TXNDC16: variants seen among roughly 807,000 people sequenced by gnomAD.
TXNDC16 encodes thioredoxin domain containing 16, also known as thioredoxin domain-containing protein 16.
A neutral mutation model predicts 85.6 loss-of-function variants in TXNDC16; 74 were observed. That is an observed-to-expected ratio of 0.86 (90% confidence interval 0.72 to 1.05). The LOEUF (loss-of-function observed/expected upper bound fraction) is 1.05. TXNDC16 is among the 50% of genes least tolerant of loss of function. The probability of loss-of-function intolerance (pLI) is 0.00; values close to 1 mark genes in which losing one functional copy is unlikely to be tolerated. For missense variants in TXNDC16, 959 were observed against 947.0 expected (o/e 1.01, Z -0.17); for synonymous variants, 335 against 326.5 (o/e 1.03, Z -0.28).
chr14:52,530,285 A>ATTATTATATAATAATATAT (rs1400120005), intron 6 of TXNDC16, among the ~76,000 whole-genome samples: 5 of 43,430 alleles, frequency 1.2e-4, no homozygotes, highest in African/African-American at 6.4e-4. Context: ...TTTAATATAT[A>ATTATTATATAATAATATAT]ATTATTATAT....
intron 1 of TXNDC16, among the ~76,000 whole-genome samples, chr14:52,549,434 C>T (rs2038001439): frequency 6.6e-6 from 1 of 152,106 alleles, no homozygotes; most frequent in Non-Finnish European, 1.5e-5. Flanking sequence ...TGTTCAGCAA[C>T]TGAATATTAA....
intron 6 of TXNDC16, among the ~76,000 whole-genome samples, chr14:52,535,198 C>T (rs2037671738): frequency 6.6e-6 from 1 of 152,180 alleles, no homozygotes; most frequent in African/African-American, 2.4e-5. Flanking sequence ...TTCCTGAGAA[C>T]AAATGTCATA....
chr14:52,527,826 T>A (rs2037373304), intron 6 of TXNDC16, among the ~76,000 whole-genome samples: 1 of 152,104 alleles, frequency 6.6e-6, no homozygotes, highest in Admixed American at 6.6e-5. Flanking sequence ...TCTTTGGAGT[T>A]TTGGACTTAA....
chr14:52,550,864 T>C (rs1473752484), intron 1 of TXNDC16, among the ~76,000 whole-genome samples: 2 of 152,212 alleles, frequency 1.3e-5, no homozygotes, highest in Admixed American at 6.5e-5. Context: ...ACTGCTGTCA[T>C]GAGCATCCTG....
At position 52,537,785 on chromosome 14, in the gene TXNDC16, A is replaced by T. The variant is rs1288990445; in HGVS notation, c.244-113T>A. 5 of 647,812 alleles carry T rather than the reference A, an allele frequency of 7.7e-6. No individual in the cohort carries two copies. In the African/African-American group the frequency reaches 9.2e-5, roughly 12 times the overall value. The allele number at this position is 647,812 out of a possible 1,614,324, so 40.1% of individuals were successfully genotyped here. On this transcript the variant is annotated intron_variant, in intron 4 of 20. Coordinates refer to ENST00000281741, the MANE Select transcript of TXNDC16 (RefSeq NM_020784.3). Reference sequence around the variant, plus strand: ...CAGTTTGTTGCAGGTCAAATTTTGTATTTTATGTTTTTTTCTGATTTGTAT... The same window carrying T: ...CAGTTTGTTGCAGGTCAAATTTTGTTTTTTATGTTTTTTTCTGATTTGTAT...
At chr14:52,449,088 C>G (rs532690192) in intron 18 of TXNDC16, among the ~76,000 whole-genome samples, 2 of 151,980 alleles carry the variant, frequency 1.3e-5, no homozygotes, top group East Asian at 3.9e-4. Context: ...TAAGTCCTTA[C>G]TTATCAATAA....
chr14:52,501,009 T>C (rs914035851), intron 9 of TXNDC16, among the ~76,000 whole-genome samples: 1 of 152,180 alleles, frequency 6.6e-6, no homozygotes, highest in Non-Finnish European at 1.5e-5. Flanking sequence ...CCTTGGTATT[T>C]GCCAACAGGA....
At chr14:52,467,576 A>G (rs1594702820) in intron 16 of TXNDC16, among the ~76,000 whole-genome samples, 1 of 152,200 alleles carries the variant, frequency 6.6e-6, no homozygotes, top group South Asian at 2.1e-4. Flanking sequence ...GATGGCTATC[A>G]TAAAAAATAA....
rs1377778813 is a variant in TXNDC16, at chr14:52,430,678, A to G, written c.*1626T>C. ...ATTGCTGACAAAGGTACAATGACTA[A>G]GCAATTTCATGTTTCTATGTGCTGG... is the stretch of plus-strand genomic sequence containing the variant. On this transcript the variant is annotated 3_prime_UTR_variant, in exon 21 of 21. Coordinates refer to ENST00000281741, the MANE Select transcript of TXNDC16 (RefSeq NM_020784.3). 2 of 152,236 alleles carry G rather than the reference A, an allele frequency of 1.3e-5. No individual in the cohort carries two copies. The highest frequency in any genetic ancestry group is 2.9e-5 in the Non-Finnish European group (2 of 68,042). 9.4% of individuals were successfully genotyped at this position (152,236 alleles called of 1,614,324 possible).
At chr14:52,464,020 T>C (rs1203847822) in intron 16 of TXNDC16, among the ~76,000 whole-genome samples, 1 of 152,250 alleles carries the variant, frequency 6.6e-6, no homozygotes, top group African/African-American at 2.4e-5. Context: ...TACATCATTC[T>C]GGCACACCAG....
At chr14:52,497,829 C>T (rs1186676425) in intron 9 of TXNDC16, among the ~76,000 whole-genome samples, 1 of 146,672 alleles carries the variant, frequency 6.8e-6, no homozygotes, top group Admixed American at 7.0e-5. Context: ...TGCAGTGAGC[C>T]GAGATTGCGC....
intron 6 of TXNDC16, among the ~76,000 whole-genome samples, chr14:52,522,415 T>G (rs1482204267): frequency 6.6e-6 from 1 of 152,232 alleles, no homozygotes; most frequent in African/African-American, 2.4e-5. Context: ...AAGTGAAAGC[T>G]GATATTATCA....
rs115290577 is a variant in TXNDC16 at position 52,450,746 on chromosome 14, A to G, written c.1842+4578T>C. On this transcript the variant is annotated intron_variant, in intron 18 of 20. Transcript: ENST00000281741. Reference sequence around the variant, plus strand: ...AGTGTATCTACCATTTGATCAAGCAATCTCACTACTGGTGCACACACGTTT... The same window carrying G: ...AGTGTATCTACCATTTGATCAAGCAGTCTCACTACTGGTGCACACACGTTT... 4.8e-3 allele frequency among the ~76,000 whole-genome samples: 728 copies of G among 152,026 alleles called. 4 individuals carry two copies. The highest frequency in any genetic ancestry group is 0.017 in the African/African-American group (699 of 41,524).
chr14:52,537,991 T>C (rs554796320), intron 4 of TXNDC16, among the ~76,000 whole-genome samples: 1 of 152,318 alleles, frequency 6.6e-6, no homozygotes, highest in African/African-American at 2.4e-5. Flanking sequence ...CTTGGAATGA[T>C]GAAAGCATCT....
chr14:52,530,016 A>G lies in TXNDC16; in HGVS notation c.392+6703T>C, dbSNP rs568040490. On this transcript the variant is annotated intron_variant, in intron 6 of 20. Coordinates refer to ENST00000281741, the MANE Select transcript of TXNDC16 (RefSeq NM_020784.3). ...TTCATATATATAATATATATTATAT[A>G]TTATATGTTATAATTATTTTTATGT... is the stretch of plus-strand genomic sequence containing the variant. 2.3e-4 allele frequency among the ~76,000 whole-genome samples: 24 copies of G among 104,568 alleles called. No individual in the cohort carries two copies. The East Asian group carries it at 6.6e-3, about 29-fold the overall frequency. The allele number at this position is 104,568 out of a possible 152,430, so 68.6% of individuals were successfully genotyped here. A position where few individuals can be genotyped will look rare whatever the true frequency, so the allele number is the denominator to read the frequency against.
At chr14:52,515,719 T>C (rs2037068713) in intron 7 of TXNDC16, among the ~76,000 whole-genome samples, 1 of 150,790 alleles carries the variant, frequency 6.6e-6, no homozygotes, top group South Asian at 2.1e-4. Flanking sequence ...GTATCATATA[T>C]AACTTAATAT....
intron 12 of TXNDC16, among the ~76,000 whole-genome samples, chr14:52,485,587 G>C (rs1307749500): frequency 6.6e-6 from 1 of 152,104 alleles, no homozygotes; most frequent in African/African-American, 2.4e-5. Flanking sequence ...CTATACAAGT[G>C]TACCATTTTT....
chr14:52,495,849 C>G (rs1395804746), intron 9 of TXNDC16, among the ~76,000 whole-genome samples: 2 of 152,154 alleles, frequency 1.3e-5, no homozygotes, highest in East Asian at 3.9e-4. Flanking sequence ...TCCTCTCAAT[C>G]TGAAGACCTG....
rs1212675186 is a variant in TXNDC16 at position 52,432,282 on chromosome 14, T to G, written c.*22A>C. On this transcript the variant is annotated 3_prime_UTR_variant, in exon 21 of 21. Transcript: ENST00000281741. ...TAAGTCTATCATGCCAAAAAAATTT[T>G]GGAAACCACAGCCCTATAAAATTAG... The G allele has an allele frequency of 3.9e-6, 6 of 1,549,810 alleles. No individual in the cohort carries two copies. Among genetic ancestry groups the G allele is most frequent in the African/African-American group, 1.4e-5 (1 of 72,038 alleles).
Sources: allele counts gnomAD v4.1 joint callset (sites outside exome capture counted in the v4.1 genomes callset), GRCh38; gene constraint gnomAD v4.1.1; transcripts MANE v1.5; gene names NCBI Gene and HGNC (gene_info 2026-07-23, HGNC 2026-07-21).